The following WWTR1 variants were observed in gnomAD, a reference collection of about 807,000 sequenced individuals.
WWTR1 encodes WW domain-containing transcription regulator protein 1.
A neutral mutation model predicts 40.1 loss-of-function variants in WWTR1; 13 were observed. The observed-to-expected ratio is 0.32, with a 90% CI of 0.21 to 0.52. The LOEUF is 0.52. WWTR1 is among the 20% of genes least tolerant of loss of function. The pLI is 0.97. For synonymous variants in WWTR1, 230 were observed against 210.1 expected, an observed-to-expected ratio of 1.09 and a Z score of -0.82; for missense variants, 436 against 523.1, an observed-to-expected ratio of 0.83 and a Z score of 1.63.
At chr3:149,612,854 C>T (rs1239771343) in intron 2 of WWTR1, among the ~76,000 whole-genome samples, 1 of 152,154 alleles carries the variant, frequency 6.6e-6, no homozygotes, top group Non-Finnish European at 1.5e-5. Flanking sequence ...CACTCACAAT[C>T]CACCTACACT....
Position 149,722,852 on chromosome 3 carries a change from T to G in WWTR1, n.459+1228A>C, listed in dbSNP as rs140484023. Among the ~76,000 whole-genome samples, 622 of 152,152 alleles carry G rather than the reference T, an allele frequency of 4.1e-3. 5 individuals are homozygous for G. Among genetic ancestry groups the G allele is most frequent in the African/African-American group, 0.014 (597 of 41,512 alleles). On this transcript the variant is annotated intron_variant and non_coding_transcript_variant, in intron 4 of 6. Transcript: ENST00000474080. ...CTACTGTAATCTTCAGCTCCAGAATTTATTTTTGCTTTCTTTTTAGGTTTT... is the reference window on the plus strand; with the variant it reads ...CTACTGTAATCTTCAGCTCCAGAATGTATTTTTGCTTTCTTTTTAGGTTTT...
intron 2 of WWTR1, among the ~76,000 whole-genome samples, chr3:149,665,773 A>G (rs1713790438): frequency 6.6e-6 from 1 of 152,164 alleles, no homozygotes; most frequent in Non-Finnish European, 1.5e-5. Flanking sequence ...TATATTAAAA[A>G]CTATGTAGAA....
chr3:149,647,345 G>A (rs530927642), intron 2 of WWTR1, among the ~76,000 whole-genome samples: 145 of 151,970 alleles, frequency 9.5e-4, no homozygotes, highest in African/African-American at 2.9e-3. Flanking sequence ...ATGAACTTTC[G>A]AGTTTAGAAA....
chr3:149,557,058 C>CTT (rs1576557400), intron 3 of WWTR1, among the ~76,000 whole-genome samples: 2 of 68,044 alleles, frequency 2.9e-5, no homozygotes, highest in African/African-American at 1.1e-4. Context: ...CTACTGGAAT[C>CTT]TTCTTTTTTT....
chr3:149,705,355 A>G (rs73155052), upstream of WWTR1, among the ~76,000 whole-genome samples: 1 of 152,358 alleles, frequency 6.6e-6, no homozygotes, highest in Non-Finnish European at 1.5e-5. Flanking sequence ...TCAGACCCTT[A>G]GAAATAGGAG....
At chr3:149,536,298 G>A (rs1365353781) in intron 4 of WWTR1, among the ~76,000 whole-genome samples, 1 of 152,244 alleles carries the variant, frequency 6.6e-6, no homozygotes, top group Middle Eastern at 3.4e-3. Context: ...ATTAGACTAC[G>A]TGACCTCTGT....
At chr3:149,528,001 A>G in intron 4 of WWTR1, 32 bp from the exon 5 acceptor site, 1 of 1,599,640 alleles carries the variant, frequency 6.3e-7, no homozygotes, top group Non-Finnish European at 8.5e-7. Context: ...AGAGTCATGC[A>G]CTCATTGTCA....
At position 149,554,175 on chromosome 3, in the gene WWTR1, G is replaced by A. The variant is rs544870519; in HGVS notation, c.569-11638C>T. 2.0e-5 allele frequency among the ~76,000 whole-genome samples: 3 copies of A among 152,290 alleles called. No homozygotes were observed. The East Asian group carries it at 5.8e-4, about 29-fold the overall frequency. On this transcript the variant is annotated intron_variant, in intron 3 of 6. Coordinates refer to ENST00000360632, the MANE Select transcript of WWTR1 (RefSeq NM_015472.6). ...TGAGCCCTTTATTCCAATTCTGGGT[G>A]AGAATAACTGCAAGGAAATTTCTCA... is the stretch of plus-strand genomic sequence containing the variant.
chr3:149,646,955 T>A (rs1009551377), intron 2 of WWTR1, among the ~76,000 whole-genome samples: 1 of 152,096 alleles, frequency 6.6e-6, no homozygotes, highest in Non-Finnish European at 1.5e-5. Context: ...TTTAAATTCC[T>A]AAGCAATGGA....
At chr3:149,617,089 T>C (rs1310675354) in intron 2 of WWTR1, among the ~76,000 whole-genome samples, 1 of 152,186 alleles carries the variant, frequency 6.6e-6, no homozygotes, top group Non-Finnish European at 1.5e-5. Flanking sequence ...AGACATGCTA[T>C]CTCTTAATTA....
intron 2 of WWTR1, among the ~76,000 whole-genome samples, chr3:149,623,688 T>A (rs145329814): frequency 9.2e-5 from 14 of 152,148 alleles, no homozygotes; most frequent in Non-Finnish European, 1.6e-4. Flanking sequence ...TCTGTATAAG[T>A]GGAAATTATG....
In WWTR1 at chr3:149,543,597, A is replaced by AAAAAAAG. The variant is rs1553789351; in HGVS notation, c.569-1067_569-1061dup. Among the ~76,000 whole-genome samples the AAAAAAAG allele has an allele frequency of 8.0e-4, 118 of 146,640 alleles. 3 individuals are homozygous for AAAAAAAG. Among genetic ancestry groups the AAAAAAAG allele is most frequent in the Non-Finnish European group, 1.4e-3 (92 of 65,788 alleles). On this transcript the variant is annotated intron_variant, in intron 3 of 6. Transcript: ENST00000360632. Reference sequence around the variant, plus strand: ...CTCTGTCTCAAAAAAAAAAAAAAAAAAAAAAAGAACTTCACTTTACAAAAA... The same window carrying AAAAAAAG: ...CTCTGTCTCAAAAAAAAAAAAAAAAAAAAAAAGAAAAAAGAACTTCACTTTACAAAAA...
chr3:149,618,747 C>T (rs1740122936), intron 2 of WWTR1, among the ~76,000 whole-genome samples: 1 of 152,136 alleles, frequency 6.6e-6, no homozygotes, highest in African/African-American at 2.4e-5. Context: ...GACATAAAGT[C>T]TCTGTGCCTT....
intron 3 of WWTR1, among the ~76,000 whole-genome samples, chr3:149,566,320 A>G (rs1256176941): frequency 1.3e-5 from 2 of 152,124 alleles, no homozygotes; most frequent in Non-Finnish European, 2.9e-5. Context: ...TTCCACCACA[A>G]CAATCCTACA....
At chr3:149,643,392 G>A (rs6440628) in intron 2 of WWTR1, among the ~76,000 whole-genome samples, 4,566 of 152,218 alleles carry the variant, frequency 0.03, 115 homozygotes, top group African/African-American at 0.073. Flanking sequence ...AAATTGTGAC[G>A]AAGATTTTAC....
At chr3:149,560,990 C>A (rs1395974349) in intron 3 of WWTR1, among the ~76,000 whole-genome samples, 1 of 150,628 alleles carries the variant, frequency 6.6e-6, no homozygotes, top group East Asian at 1.9e-4. Flanking sequence ...GCTCCAGGAT[C>A]TTTAGACAAT....
At chr3:149,560,431 C>T (rs1431493846) in intron 3 of WWTR1, among the ~76,000 whole-genome samples, 5 of 152,200 alleles carry the variant, frequency 3.3e-5, no homozygotes, top group African/African-American at 1.2e-4. Context: ...GTCCAGAAAC[C>T]TCCAGCATGG....
chr3:149,699,578 C>A (rs1412860345), intron 1 of WWTR1, among the ~76,000 whole-genome samples: 1 of 152,148 alleles, frequency 6.6e-6, no homozygotes, highest in Non-Finnish European at 1.5e-5. Context: ...CAGGCATGAG[C>A]CACCGTGCTC....
intron 2 of WWTR1, among the ~76,000 whole-genome samples, chr3:149,615,686 G>A (rs1018836651): frequency 2.0e-5 from 3 of 152,190 alleles, no homozygotes; most frequent in Admixed American, 2.0e-4. Flanking sequence ...AATTCCTTGA[G>A]ACATGCCTGT....
Sources: gnomAD v4.1 joint callset for allele counts (sites outside exome capture counted in the v4.1 genomes callset) on GRCh38, gnomAD v4.1.1 for gene constraint, MANE v1.5 for transcripts, NCBI Gene and HGNC (gene_info 2026-07-23, HGNC 2026-07-21) for gene names.